Variants in ATPAF1 observed in about 807,000 individuals in gnomAD.
ATPAF1 encodes the protein ATP synthase mitochondrial F1 complex assembly factor 1, also known as homolog of yeast ATP11.
In ATPAF1, 26 loss-of-function variants were observed where a neutral mutation model predicts 43.9. The ratio of observed to expected loss-of-function variants is 0.59; its 90% CI spans 0.43 to 0.82. The LOEUF is 0.82. ATPAF1 is among the 40% of genes least tolerant of loss of function. ATPAF1 has a pLI of 0.00. For missense variants in ATPAF1, 366 were observed against 435.0 expected, an observed-to-expected ratio of 0.84 and a Z score of 1.41; for synonymous variants, 157 against 168.0, an observed-to-expected ratio of 0.93 and a Z score of 0.50.
chr1:46,665,413 C>A (rs1676472775), intron 1 of ATPAF1, 49 bp from the exon 2 acceptor site: 1 of 1,559,020 alleles, frequency 6.4e-7, no homozygotes. Context: ...TTTTTGAATT[C>A]TAAAATAACA....
Position 46,653,954 on chromosome 1 carries a change from A to T in ATPAF1, c.490-87T>A, listed in dbSNP as rs1015962609. 1 of 1,235,050 alleles carries T rather than the reference A, an allele frequency of 8.1e-7. No individual in the cohort carries two copies. The highest frequency in any genetic ancestry group is 1.9e-5 in the Admixed American group (1 of 52,950). 76.5% of individuals were successfully genotyped at this position (1,235,050 alleles called of 1,614,324 possible). On this transcript the variant is annotated intron_variant, in intron 4 of 8. Coordinates refer to ENST00000574428, the Ensembl canonical transcript of ATPAF1. This position sits in a 1 kb window ranked among gnomAD's most constrained non-coding sequence, Gnocchi z 4.8. ...AATGGTGACAGTTTTCATTGCTCAG[A>T]GGAATATGCTATTTGATAACAGAGA... is the stretch of plus-strand genomic sequence containing the variant.
At chr1:46,665,461 C>T in intron 1 of ATPAF1, 97 bp from the exon 2 acceptor site, 1 of 1,359,092 alleles carries the variant, frequency 7.4e-7, no homozygotes, top group Non-Finnish European at 1.0e-6. Flanking sequence ...AAGGACACTG[C>T]CATTCAGAGA....
chr1:46,640,507 G>A (rs903154471), intron 8 of ATPAF1, among the ~76,000 whole-genome samples: 27 of 152,060 alleles, frequency 1.8e-4, no homozygotes, highest in Middle Eastern at 3.4e-3. Flanking sequence ...CTACTCAGGA[G>A]GCTGAGGCAG....
At chr1:46,668,454 G>C (rs904453567), upstream of ATPAF1, 2 of 1,123,828 alleles carry the variant, frequency 1.8e-6, no homozygotes, top group South Asian at 4.4e-5. This position sits in a 1 kb window ranked among gnomAD's most constrained non-coding sequence, Gnocchi z 4.4. Flanking sequence ...AAGGTTCCGG[G>C]CGCGGGATAG....
At chr1:46,636,032 A>C (rs771676681) in intron 8 of ATPAF1, 62 bp from the exon 9 acceptor site, 26 of 1,579,032 alleles carry the variant, frequency 1.6e-5, no homozygotes, top group African/African-American at 2.7e-5. Context: ...TCTTGTCTGA[A>C]TTGTGTGGTG....
intron 6 of ATPAF1, among the ~76,000 whole-genome samples, chr1:46,646,600 A>C (rs1676049622): frequency 6.6e-6 from 1 of 152,164 alleles, no homozygotes; most frequent in South Asian, 2.1e-4. Flanking sequence ...ATTGTCAACC[A>C]CTCAGGCTCC....
At position 46,668,039 on chromosome 1, in the gene ATPAF1, G is replaced by A; in HGVS notation, c.266+18C>T. The A allele has an allele frequency of 2.2e-6, 3 of 1,351,966 alleles. No individual in the cohort carries two copies. The highest frequency in any genetic ancestry group is 1.9e-6 in the Non-Finnish European group (2 of 1,053,240). The allele number at this position is 1,351,966 out of a possible 1,614,324, so 83.7% of individuals were successfully genotyped here. A position where few individuals can be genotyped will look rare whatever the true frequency, so the allele number is the denominator to read the frequency against. On this transcript the variant is annotated intron_variant, in intron 1 of 8. Transcript: ENST00000574428. This position sits in a 1 kb window ranked among gnomAD's most constrained non-coding sequence, Gnocchi z 4.4. ...TCCTCCCGCCTCCTGCCCGCCTCCAGCCAACCCAGGCCCGCACCTGCGCAG... is the reference window on the plus strand; with the variant it reads ...TCCTCCCGCCTCCTGCCCGCCTCCAACCAACCCAGGCCCGCACCTGCGCAG...
At chr1:46,662,996 T>C (rs1187894817) in intron 2 of ATPAF1, among the ~76,000 whole-genome samples, 1 of 152,058 alleles carries the variant, frequency 6.6e-6, no homozygotes, top group Non-Finnish European at 1.5e-5. Flanking sequence ...TGTGTTCTCA[T>C]TGTTCGATTC....
At chr1:46,638,899 A>AAAATT (rs1338558623) in intron 8 of ATPAF1, among the ~76,000 whole-genome samples, 1 of 152,124 alleles carries the variant, frequency 6.6e-6, no homozygotes, top group African/African-American at 2.4e-5. Context: ...CAATTTTCAA[A>AAAATT]TCTACAATCA....
chr1:46,651,510 C>T (rs1466571729), intron 6 of ATPAF1, among the ~76,000 whole-genome samples: 2 of 152,128 alleles, frequency 1.3e-5, no homozygotes, highest in Admixed American at 6.6e-5. Context: ...TTTGGGTATA[C>T]ACCCAGTAAT....
intron 2 of ATPAF1, among the ~76,000 whole-genome samples, chr1:46,662,916 A>G (rs1676418925): frequency 6.6e-6 from 1 of 152,082 alleles, no homozygotes; most frequent in Admixed American, 6.5e-5. Context: ...ATATCTCCTA[A>G]TGCTATCCCT....
At chr1:46,667,229 C>G (rs918481396) in intron 1 of ATPAF1, among the ~76,000 whole-genome samples, 1 of 151,856 alleles carries the variant, frequency 6.6e-6, no homozygotes, top group Non-Finnish European at 1.5e-5. Context: ...TAGATTAAGG[C>G]AGTGGAAGTA....
intron 7 of ATPAF1, among the ~76,000 whole-genome samples, chr1:46,644,477 A>G (rs1457675510): frequency 2.0e-5 from 3 of 152,246 alleles, no homozygotes; most frequent in African/African-American, 4.8e-5. Context: ...GTTGTTAGAC[A>G]TATTACAAAA....
chr1:46,667,172 A>G (rs1463506124), intron 1 of ATPAF1, among the ~76,000 whole-genome samples: 1 of 152,104 alleles, frequency 6.6e-6, no homozygotes, highest in Non-Finnish European at 1.5e-5. Context: ...GAAGTAGGGA[A>G]CTCTAGTTAG....
intron 8 of ATPAF1, among the ~76,000 whole-genome samples, chr1:46,637,989 T>A (rs1270645874): frequency 2.6e-5 from 4 of 152,200 alleles, no homozygotes; most frequent in Non-Finnish European, 5.9e-5. Flanking sequence ...TGAAGGCCAA[T>A]AACTACTTCA....
At position 46,668,147 on chromosome 1, in the gene ATPAF1, C is replaced by A. The variant is rs1035328299; in HGVS notation, c.176G>T (p.Gly59Val). 4 of 1,400,998 alleles carry A rather than the reference C, an allele frequency of 2.9e-6. No individual in the cohort carries two copies. Among genetic ancestry groups the A allele is most frequent in the Middle Eastern group, 2.6e-4 (1 of 3,880 alleles). 86.8% of individuals were successfully genotyped at this position (1,400,998 alleles called of 1,614,324 possible). ...GGCCCCGACCCCGCTGCTGTCGGCG[C>A]CCCCCTCGGGCCGGCCCGAGCCGGG... Residue 59 changes from glycine (G) to valine (V), a missense_variant, in exon 1 of 9, where the codon GGC (glycine) becomes GTC (valine). Gly to Val is a moderately radical substitution (Grantham distance 109). Around this residue, in one of 2 missense-constraint regions of ATPAF1, gnomAD observed 186 missense variants for 168.5 expected, o/e 1.10. Transcript: ENST00000574428. This position sits in a 1 kb window ranked among gnomAD's most constrained non-coding sequence, Gnocchi z 4.4.
In ATPAF1 at chr1:46,668,046, C is replaced by T. The variant is rs1413612132; in HGVS notation, c.266+11G>A. On this transcript the variant is annotated intron_variant, in intron 1 of 8. Coordinates refer to ENST00000574428, the Ensembl canonical transcript of ATPAF1. The surrounding 1 kb of genome is among the most constrained non-coding windows in gnomAD (Gnocchi z 4.4). ...GCCTCCTGCCCGCCTCCAGCCAACC[C>T]AGGCCCGCACCTGCGCAGCAGCTGG... 1.4e-6 allele frequency: 2 copies of T among 1,385,164 alleles called. No homozygotes were observed. The highest frequency in any genetic ancestry group is 6.5e-5 in the Admixed American group (2 of 31,004). The allele number at this position is 1,385,164 out of a possible 1,614,324, so 85.8% of individuals were successfully genotyped here.
intron 2 of ATPAF1, among the ~76,000 whole-genome samples, chr1:46,659,166 G>A (rs1447489975): frequency 2.0e-5 from 3 of 151,866 alleles, no homozygotes; most frequent in Non-Finnish European, 2.9e-5. Flanking sequence ...ACTCTAGCCC[G>A]GGCAACAGAG....
chr1:46,636,411 TTG>T (rs1295020986), intron 8 of ATPAF1, among the ~76,000 whole-genome samples: 1 of 152,218 alleles, frequency 6.6e-6, no homozygotes, highest in Non-Finnish European at 1.5e-5. Context: ...AAGAACCAGT[TTG>T]TGAGTGAGAA....
Sources: allele counts gnomAD v4.1 joint callset (sites outside exome capture counted in the v4.1 genomes callset), GRCh38; gene constraint gnomAD v4.1.1; regional missense constraint gnomAD v4.1.1; non-coding constraint Gnocchi (gnomAD v3.1); transcripts MANE v1.5; gene names NCBI Gene and HGNC (gene_info 2026-07-23, HGNC 2026-07-21).